Variants in TCF20 observed in about 807,000 individuals in gnomAD.
TCF20 encodes SPRE-binding protein.
TCF20 carries 3 observed loss-of-function variants against 148.6 expected under a neutral mutation model. The ratio of observed to expected loss-of-function variants is 0.02; its 90% CI spans 0.01 to 0.05. TCF20 has a LOEUF of 0.05. Ranked by LOEUF, TCF20 falls within the 10% of genes least tolerant of loss-of-function variation. TCF20 has a pLI of 1.00. For missense variants in TCF20, 2,350 were observed against 2,429.3 expected (o/e 0.97, Z 0.69); for synonymous variants, 1,049 against 909.5 (o/e 1.15, Z -2.76).
At chr22:42,343,280 C>T (rs1026396789) in intron 1 of TCF20, among the ~76,000 whole-genome samples, 1 of 152,168 alleles carries the variant, frequency 6.6e-6, no homozygotes, top group Admixed American at 6.5e-5. Context: ...TTCAGAGGAA[C>T]GGTCACCGCT....
intron 4 of TCF20, 60 bp from the exon 5 acceptor site, chr22:42,168,796 G>A: frequency 1.3e-6 from 2 of 1,520,980 alleles, no homozygotes; most frequent in South Asian, 2.5e-5. Context: ...CAGAAATCAG[G>A]GAGGGCAAAG....
At chr22:42,280,232 T>C (rs1017889996) in intron 1 of TCF20, among the ~76,000 whole-genome samples, 8 of 151,810 alleles carry the variant, frequency 5.3e-5, no homozygotes, top group Admixed American at 4.6e-4. Flanking sequence ...GCCTGAGAGG[T>C]GAACAGACCC....
At chr22:42,165,883 T>C (rs910888063) in intron 5 of TCF20, among the ~76,000 whole-genome samples, 7 of 152,208 alleles carry the variant, frequency 4.6e-5, no homozygotes, top group African/African-American at 1.4e-4. Flanking sequence ...ACACAGCACC[T>C]ATCATATCAC....
chr22:42,335,242 G>A (rs1368451206), intron 1 of TCF20, among the ~76,000 whole-genome samples: 2 of 152,060 alleles, frequency 1.3e-5, no homozygotes, highest in African/African-American at 4.8e-5. Context: ...CACCTCCCAT[G>A]GCTGGCACCT....
intron 1 of TCF20, among the ~76,000 whole-genome samples, chr22:42,245,788 G>A (rs1023707938): frequency 4.0e-5 from 6 of 151,890 alleles, no homozygotes; most frequent in Admixed American, 2.0e-4. Flanking sequence ...TTTTATTTAT[G>A]TATTTTTTGG....
At chr22:42,321,591 A>G (rs1927733869) in intron 1 of TCF20, among the ~76,000 whole-genome samples, 1 of 151,808 alleles carries the variant, frequency 6.6e-6, no homozygotes, top group Non-Finnish European at 1.5e-5. Flanking sequence ...CACGCTCAGG[A>G]GCCTTGCAAC....
chr22:42,176,612 T>C (rs1950056282), intron 3 of TCF20, among the ~76,000 whole-genome samples: 1 of 152,194 alleles, frequency 6.6e-6, no homozygotes, highest in Non-Finnish European at 1.5e-5. Context: ...ACCATGCTAC[T>C]TGCTGCCTTC....
intron 3 of TCF20, among the ~76,000 whole-genome samples, chr22:42,173,741 C>A (rs1315222063): frequency 6.6e-6 from 1 of 152,132 alleles, no homozygotes; most frequent in Non-Finnish European, 1.5e-5. Flanking sequence ...CTTGGGTCAT[C>A]AAAAAGACCG....
At chr22:42,219,785 G>A (rs368544689) in intron 1 of TCF20, among the ~76,000 whole-genome samples, 1 of 152,164 alleles carries the variant, frequency 6.6e-6, no homozygotes, top group African/African-American at 2.4e-5. Context: ...GAGCCTCGGA[G>A]GCAGAGGTTG....
intron 3 of TCF20, among the ~76,000 whole-genome samples, chr22:42,174,017 C>T (rs866317014): frequency 7.9e-5 from 12 of 152,172 alleles, no homozygotes; most frequent in Middle Eastern, 6.3e-3. Flanking sequence ...AAGTCCTCAG[C>T]TAATAATGAG....
intron 2 of TCF20, among the ~76,000 whole-genome samples, chr22:42,186,203 T>C (rs1451382527): frequency 6.6e-6 from 1 of 152,190 alleles, no homozygotes; most frequent in Non-Finnish European, 1.5e-5. Context: ...TGGTCTAATG[T>C]GCATACTGTC....
chr22:42,269,941 G>C (rs1926507466), intron 1 of TCF20: 1 of 152,184 alleles, frequency 6.6e-6, no homozygotes, highest in South Asian at 2.1e-4. Context: ...GGCTGCCAGG[G>C]GCCCCGAAGC....
intron 1 of TCF20, among the ~76,000 whole-genome samples, chr22:42,320,477 A>G (rs1271772121): frequency 7.9e-5 from 12 of 151,112 alleles, no homozygotes; most frequent in Admixed American, 6.6e-4. Context: ...CTCCACCTCA[A>G]TCCCCACTGC....
chr22:42,173,858 G>T (rs1165644202), intron 3 of TCF20, among the ~76,000 whole-genome samples: 2 of 152,140 alleles, frequency 1.3e-5, no homozygotes, highest in Admixed American at 6.6e-5. Flanking sequence ...GAGGCCGACA[G>T]CCCTACCCTC....
chr22:42,220,937 A>C (rs1800386507), intron 1 of TCF20, among the ~76,000 whole-genome samples: 1 of 152,220 alleles, frequency 6.6e-6, no homozygotes, highest in Non-Finnish European at 1.5e-5. Context: ...CTGCTAGCAC[A>C]GAAGACTTCA....
intron 1 of TCF20, among the ~76,000 whole-genome samples, chr22:42,216,587 T>G (rs188381915): frequency 1.1e-3 from 171 of 152,326 alleles, no homozygotes; most frequent in Admixed American, 2.0e-3. Flanking sequence ...CAGTGACTAT[T>G]CTTCCAGATT....
chr22:42,220,213 G>A (rs368290650), intron 1 of TCF20, among the ~76,000 whole-genome samples: 12 of 152,272 alleles, frequency 7.9e-5, no homozygotes, highest in African/African-American at 2.9e-4. Flanking sequence ...CTGTTGCCCA[G>A]GCTGGAGTGC....
chr22:42,256,494 G>T, intron 1 of TCF20, among the ~76,000 whole-genome samples: 1 of 148,674 alleles, frequency 6.7e-6, no homozygotes. Context: ...TTTTTAAAGA[G>T]ACATTTAACA....
chr22:42,250,315 G>A (rs966712261), intron 1 of TCF20, among the ~76,000 whole-genome samples: 62 of 151,824 alleles, frequency 4.1e-4, no homozygotes, highest in Admixed American at 3.7e-3. Context: ...CGTGGTGGCG[G>A]GGCGCCTGTA....
Sources: gnomAD v4.1 joint callset for allele counts (sites outside exome capture counted in the v4.1 genomes callset) on GRCh38, gnomAD v4.1.1 for gene constraint, MANE v1.5 for transcripts, NCBI Gene and HGNC (gene_info 2026-07-23, HGNC 2026-07-21) for gene names.